Variants in FAF1 observed in about 807,000 individuals in gnomAD.
The protein encoded by FAF1 is Fas associated factor 1.
In FAF1, 25 loss-of-function variants were observed where a neutral mutation model predicts 92.5. The ratio of observed to expected loss-of-function variants is 0.27; its 90% confidence interval spans 0.20 to 0.38. The LOEUF (loss-of-function observed/expected upper bound fraction) is 0.38. FAF1 is among the 10% of genes least tolerant of loss of function. The pLI is 1.00. For synonymous variants in FAF1, 234 were observed against 273.2 expected, an observed-to-expected ratio of 0.86 and a Z score of 1.42; for missense variants, 636 against 793.3, an observed-to-expected ratio of 0.80 and a Z score of 2.38.
chr1:50,801,093 AAC>A (rs1661972668), intron 3 of FAF1, among the ~76,000 whole-genome samples: 1 of 152,258 alleles, frequency 6.6e-6, no homozygotes, highest in African/African-American at 2.4e-5. Flanking sequence ...TTCTGGCCAT[AAC>A]ACAAAACCTC....
At chr1:50,863,106 T>C (rs977145549) in intron 1 of FAF1, among the ~76,000 whole-genome samples, 3 of 152,048 alleles carry the variant, frequency 2.0e-5, no homozygotes, top group Admixed American at 6.6e-5. Context: ...ATAGGTCATA[T>C]GGTAGGCCAC....
chr1:50,934,753 A>G (rs1054086023), intron 1 of FAF1, among the ~76,000 whole-genome samples: 19 of 152,208 alleles, frequency 1.2e-4, no homozygotes, highest in Admixed American at 1.3e-4. Flanking sequence ...AAAAAATTTT[A>G]AAGTCTTCAC....
rs1446276812 is a variant in FAF1, at chr1:50,439,329, T to C, written c.*2111A>G. 6.6e-6 allele frequency: 1 copy of C among 152,192 alleles called. No homozygotes were observed. Among genetic ancestry groups the C allele is most frequent in the Non-Finnish European group, 1.5e-5 (1 of 68,036 alleles). The allele number at this position is 152,192 out of a possible 1,614,324, so 9.4% of individuals were successfully genotyped here. A position where few individuals can be genotyped will look rare whatever the true frequency, so the allele number is the denominator to read the frequency against. ...TCATGTCCTGAGTGAACAGTGACAA[T>C]TAGCTGAGGCCTTTCCCAGTTATGA... On this transcript the variant is annotated 3_prime_UTR_variant, in exon 19 of 19. Coordinates refer to ENST00000396153, the MANE Select transcript of FAF1 (RefSeq NM_007051.3).
intron 1 of FAF1, among the ~76,000 whole-genome samples, chr1:50,913,942 A>C (rs1440788277): frequency 1.3e-5 from 2 of 152,222 alleles, no homozygotes; most frequent in African/African-American, 2.4e-5. Flanking sequence ...CCTACCAGGA[A>C]GAAGATGCTC....
At chr1:50,562,889 C>A (rs890142504) in intron 13 of FAF1, among the ~76,000 whole-genome samples, 20 of 152,208 alleles carry the variant, frequency 1.3e-4, no homozygotes, top group South Asian at 2.1e-4. Flanking sequence ...GTTGATTCAA[C>A]TAGCCAAGTA....
intron 13 of FAF1, among the ~76,000 whole-genome samples, chr1:50,549,805 G>A (rs1649215059): frequency 6.6e-6 from 1 of 151,906 alleles, no homozygotes; most frequent in Non-Finnish European, 1.5e-5. Flanking sequence ...AAAAAATTAA[G>A]AGACACAGAC....
At chr1:50,783,469 G>A (rs892612086) in intron 4 of FAF1, among the ~76,000 whole-genome samples, 3 of 152,106 alleles carry the variant, frequency 2.0e-5, no homozygotes, top group African/African-American at 7.2e-5. Context: ...AAATATTAGC[G>A]AAACTAAATT....
intron 6 of FAF1, among the ~76,000 whole-genome samples, chr1:50,707,966 C>T (rs905269119): frequency 1.3e-5 from 2 of 152,128 alleles, no homozygotes; most frequent in African/African-American, 2.4e-5. Context: ...TGCGCCACCA[C>T]GCCCAGTTAA....
intron 4 of FAF1, among the ~76,000 whole-genome samples, chr1:50,747,597 G>A (rs1659681234): frequency 6.6e-6 from 1 of 152,212 alleles, no homozygotes; most frequent in African/African-American, 2.4e-5. Context: ...GGACTTCTGA[G>A]TTAGTGCCAG....
At chr1:50,763,569 A>C (rs530468351) in intron 4 of FAF1, among the ~76,000 whole-genome samples, 102 of 152,218 alleles carry the variant, frequency 6.7e-4, no homozygotes, top group African/African-American at 2.4e-3. Flanking sequence ...ATTTGCCTAG[A>C]AGTCGTTCAG....
At chr1:50,948,534 CTT>C (rs1167611825) in intron 1 of FAF1, among the ~76,000 whole-genome samples, 34 of 139,000 alleles carry the variant, frequency 2.4e-4, no homozygotes, top group Non-Finnish European at 2.2e-4. Context: ...TTTTCTTTTT[CTT>C]TTTTTTTTTT....
At chr1:50,813,509 G>C (rs1380665880) in intron 2 of FAF1, among the ~76,000 whole-genome samples, 2 of 151,948 alleles carry the variant, frequency 1.3e-5, no homozygotes, top group East Asian at 3.9e-4. Flanking sequence ...TGCCCATGTT[G>C]GAGTGTAGTG....
intron 15 of FAF1, among the ~76,000 whole-genome samples, chr1:50,514,959 TCA>T (rs994609998): frequency 1.3e-5 from 2 of 152,176 alleles, no homozygotes; most frequent in East Asian, 3.8e-4. Context: ...CATCACTAAC[TCA>T]CAGATTATGG....
intron 3 of FAF1, among the ~76,000 whole-genome samples, chr1:50,791,920 T>A (rs1471623973): frequency 2.6e-5 from 4 of 152,214 alleles, no homozygotes; most frequent in Non-Finnish European, 5.9e-5. Flanking sequence ...GATTCAAGAA[T>A]TGGCTTGATT....
intron 4 of FAF1, among the ~76,000 whole-genome samples, chr1:50,755,434 C>T (rs988677042): frequency 2.0e-5 from 3 of 152,220 alleles, no homozygotes; most frequent in Non-Finnish European, 4.4e-5. Context: ...CAGCTCCGCC[C>T]TTGTGGCTTT....
intron 15 of FAF1, among the ~76,000 whole-genome samples, chr1:50,527,768 A>T (rs1222831300): frequency 6.7e-6 from 1 of 148,936 alleles, no homozygotes; most frequent in African/African-American, 2.5e-5. Flanking sequence ...GCCATCCAAC[A>T]GTGTCATTTG....
In FAF1 at chr1:50,951,894, TA is replaced by T. The variant is rs576708391; in HGVS notation, c.45+7872del. Among the ~76,000 whole-genome samples the T allele has an allele frequency of 3.2e-4, 49 of 152,130 alleles. No homozygotes were observed. The East Asian group carries it at 8.9e-3, about 28-fold the overall frequency. ...TAGACAATATTTCTTTGTGTCAAAC[TA>T]AAAAAGAAAGAAGTGGGATTCACAA... On this transcript the variant is annotated intron_variant, in intron 1 of 18. Transcript: ENST00000396153.
At chr1:50,645,701 T>C (rs140801555) in intron 8 of FAF1, among the ~76,000 whole-genome samples, 5 of 152,166 alleles carry the variant, frequency 3.3e-5, no homozygotes, top group African/African-American at 1.2e-4. Context: ...CACCTGCCTG[T>C]AGTCCCAGCT....
chr1:50,727,882 G>A (rs1658729061), intron 6 of FAF1, among the ~76,000 whole-genome samples: 1 of 152,104 alleles, frequency 6.6e-6, no homozygotes, highest in Non-Finnish European at 1.5e-5. Flanking sequence ...GGTTTGCCAG[G>A]AGCTCTCGGA....
Sources: allele counts gnomAD v4.1 joint callset (sites outside exome capture counted in the v4.1 genomes callset), GRCh38; gene constraint gnomAD v4.1.1; transcripts MANE v1.5; gene names NCBI Gene and HGNC (gene_info 2026-07-23, HGNC 2026-07-21).